Variants in NRCAM observed in about 807,000 individuals in gnomAD.
NRCAM encodes the protein neuronal cell adhesion molecule.
A neutral mutation model predicts 156.5 loss-of-function variants in NRCAM; 83 were observed. That is an observed-to-expected ratio of 0.53 (90% CI 0.44 to 0.64). The LOEUF is 0.64. NRCAM is among the 30% of genes least tolerant of loss of function. The pLI is 0.00. For synonymous variants in NRCAM, 538 were observed against 563.9 expected (o/e 0.95, Z 0.65); for missense variants, 1,417 against 1,597.3 (o/e 0.89, Z 1.92).
chr7:108,159,048 A>T (rs1160639878), intron 32 of NRCAM, among the ~76,000 whole-genome samples: 1 of 152,208 alleles, frequency 6.6e-6, no homozygotes, highest in Non-Finnish European at 1.5e-5. Context: ...CTAGTTTCAA[A>T]TTCTAGATGA....
At chr7:108,339,236 T>G (rs2154265946) in intron 2 of NRCAM, among the ~76,000 whole-genome samples, 1 of 152,254 alleles carries the variant, frequency 6.6e-6, no homozygotes, top group East Asian at 1.9e-4. Context: ...AGATGGTTCC[T>G]CCCAGGTGAA....
At chr7:108,336,651 T>C (rs934659485) in intron 2 of NRCAM, among the ~76,000 whole-genome samples, 1 of 152,208 alleles carries the variant, frequency 6.6e-6, no homozygotes, top group Non-Finnish European at 1.5e-5. Context: ...CCCAACCTAA[T>C]TCTATAGAGA....
chr7:108,394,647 T>C (rs2099772003), intron 2 of NRCAM, among the ~76,000 whole-genome samples: 1 of 152,176 alleles, frequency 6.6e-6, no homozygotes, highest in Non-Finnish European at 1.5e-5. Flanking sequence ...AGACAATAAT[T>C]TGAAATACTG....
intron 3 of NRCAM, among the ~76,000 whole-genome samples, chr7:108,262,277 C>T (rs1489409339): frequency 6.6e-6 from 1 of 152,094 alleles, no homozygotes; most frequent in African/African-American, 2.4e-5. Context: ...CCTTGATGCA[C>T]CCACCACCTC....
chr7:108,381,062 C>T (rs1292997429), intron 2 of NRCAM, among the ~76,000 whole-genome samples: 3 of 151,920 alleles, frequency 2.0e-5, no homozygotes, highest in Non-Finnish European at 4.4e-5. Flanking sequence ...AAAGAATATA[C>T]AAAGAACTGA....
At chr7:108,255,140 T>C (rs2096563820) in intron 3 of NRCAM, among the ~76,000 whole-genome samples, 2 of 151,816 alleles carry the variant, frequency 1.3e-5, no homozygotes, top group Non-Finnish European at 2.9e-5. Context: ...AAAACTATGC[T>C]GAGTGAGCCT....
intron 2 of NRCAM, among the ~76,000 whole-genome samples, chr7:108,372,863 A>T (rs1392129366): frequency 6.6e-6 from 1 of 152,180 alleles, no homozygotes; most frequent in African/African-American, 2.4e-5. Flanking sequence ...TGCCCAGAAG[A>T]ATTGAAATCA....
intron 31 of NRCAM, 81 bp downstream of exon 31, chr7:108,160,280 T>C: frequency 7.3e-7 from 1 of 1,378,362 alleles, no homozygotes; most frequent in South Asian, 1.2e-5. Context: ...TATTACAATC[T>C]ACATGATTTC....
At position 108,456,408 on chromosome 7, in the gene NRCAM, T is replaced by G. The variant is rs1360081187; in HGVS notation, c.-497A>C. ...TCTGAGGCTCGGACTGCGGCGCGCG[T>G]CCGCCAGCGACCCTGGCGAAGCGAG... On this transcript the variant is annotated 5_prime_UTR_variant, in exon 1 of 33. Transcript: ENST00000379028. 1 of 147,648 alleles carries G rather than the reference T, an allele frequency of 6.8e-6. No homozygotes were observed. The highest frequency in any genetic ancestry group is 2.5e-5 in the African/African-American group (1 of 39,508). The allele number at this position is 147,648 out of a possible 1,614,324, so 9.1% of individuals were successfully genotyped here.
At position 108,297,897 on chromosome 7, in the gene NRCAM, A is replaced by C. The variant is rs116327157; in HGVS notation, c.-107+14768T>G. ...ATATCTGAGCAAAGACCTAAAGAAG[A>C]AGCAGCGAGCTATGGGGATATGTGC... On this transcript the variant is annotated intron_variant, in intron 3 of 32. Transcript: ENST00000379028. Among the ~76,000 whole-genome samples, 892 of 152,246 alleles carry C rather than the reference A, an allele frequency of 5.9e-3. 7 individuals carry two copies. Among genetic ancestry groups the C allele is most frequent in the African/African-American group, 0.02 (814 of 41,534 alleles).
intron 1 of NRCAM, among the ~76,000 whole-genome samples, chr7:108,438,586 G>A (rs1276239172): frequency 1.3e-5 from 2 of 152,020 alleles, no homozygotes; most frequent in Non-Finnish European, 1.5e-5. Context: ...CTAAGATTGG[G>A]AACAACGTAA....
At chr7:108,375,928 A>G (rs1207450249) in intron 2 of NRCAM, among the ~76,000 whole-genome samples, 2 of 152,208 alleles carry the variant, frequency 1.3e-5, no homozygotes, top group East Asian at 1.9e-4. Flanking sequence ...AACCCCCAGG[A>G]ACATTTCAAT....
intron 3 of NRCAM, among the ~76,000 whole-genome samples, chr7:108,290,857 G>A (rs1396694371): frequency 1.7e-4 from 26 of 152,174 alleles, no homozygotes; most frequent in Admixed American, 1.6e-3. Context: ...ACTCGCTACT[G>A]TAGCCTCAAA....
intron 1 of NRCAM, among the ~76,000 whole-genome samples, chr7:108,413,376 C>T (rs1797742272): frequency 6.6e-6 from 1 of 152,074 alleles, no homozygotes; most frequent in Non-Finnish European, 1.5e-5. Context: ...TTTATTTGGG[C>T]TGTCTTCTTG....
intron 5 of NRCAM, among the ~76,000 whole-genome samples, chr7:108,237,246 A>C (rs1193893393): frequency 6.6e-6 from 1 of 152,148 alleles, no homozygotes; most frequent in Non-Finnish European, 1.5e-5. Context: ...CCACTTCAAG[A>C]CAAGATTCAA....
intron 14 of NRCAM, among the ~76,000 whole-genome samples, chr7:108,196,508 A>G (rs2075191674): frequency 6.6e-6 from 1 of 152,234 alleles, no homozygotes; most frequent in Non-Finnish European, 1.5e-5. Context: ...TAACCTGGTT[A>G]AAAATGGGCA....
chr7:108,255,742 C>A (rs956161799), intron 3 of NRCAM, among the ~76,000 whole-genome samples: 13 of 152,062 alleles, frequency 8.5e-5, no homozygotes, highest in Non-Finnish European at 1.6e-4. Context: ...CCGGCCACGA[C>A]CCCGTCTGGG....
At chr7:108,393,378 T>C (rs1186524841) in intron 2 of NRCAM, among the ~76,000 whole-genome samples, 1 of 152,152 alleles carries the variant, frequency 6.6e-6, no homozygotes, top group East Asian at 1.9e-4. Context: ...GTGCCAGATA[T>C]AATCTCTGTT....
At chr7:108,345,357 T>G (rs1019091416) in intron 2 of NRCAM, among the ~76,000 whole-genome samples, 6 of 152,192 alleles carry the variant, frequency 3.9e-5, no homozygotes, top group Non-Finnish European at 8.8e-5. Flanking sequence ...AAGTGTTTTG[T>G]CTAGAAATAA....
Sources: allele counts gnomAD v4.1 joint callset (sites outside exome capture counted in the v4.1 genomes callset), GRCh38; gene constraint gnomAD v4.1.1; transcripts MANE v1.5; gene names NCBI Gene and HGNC (gene_info 2026-07-23, HGNC 2026-07-21).